Variants in MAGI2 observed in about 807,000 individuals in gnomAD.
MAGI2 encodes membrane associated guanylate kinase, WW and PDZ domain containing 2, also known as membrane-associated guanylate kinase, WW and PDZ domain-containing protein 2.
Under a neutral mutation model 133.3 loss-of-function variants are expected in MAGI2, and 35 were observed. The ratio of observed to expected loss-of-function variants is 0.26; its 90% CI spans 0.20 to 0.35. The LOEUF (loss-of-function observed/expected upper bound fraction) is 0.35. Among genes scored for constraint, MAGI2 ranks in the 10% least tolerant of loss-of-function variants. The probability of loss-of-function intolerance (pLI) is 1.00; values close to 1 mark genes in which losing one functional copy is unlikely to be tolerated. For missense variants in MAGI2, 1,636 were observed against 1,863.4 expected, an observed-to-expected ratio of 0.88 and a Z score of 2.25; for synonymous variants, 729 against 710.6, an observed-to-expected ratio of 1.03 and a Z score of -0.41.
intron 2 of MAGI2, among the ~76,000 whole-genome samples, chr7:78,662,558 T>C (rs555105927): frequency 6.6e-6 from 1 of 152,322 alleles, no homozygotes; most frequent in East Asian, 1.9e-4. Flanking sequence ...GAAAAGTGTG[T>C]ATTATCATCT....
chr7:79,014,918 T>C (rs1388359161), intron 1 of MAGI2, among the ~76,000 whole-genome samples: 3 of 152,178 alleles, frequency 2.0e-5, no homozygotes, highest in African/African-American at 7.2e-5. Flanking sequence ...ATGATAAAAA[T>C]ATCACAATTG....
At chr7:78,576,454 A>G (rs553313139) in intron 3 of MAGI2, among the ~76,000 whole-genome samples, 2 of 152,270 alleles carry the variant, frequency 1.3e-5, no homozygotes, top group South Asian at 4.1e-4. Context: ...TTTCTCCCAC[A>G]AGGCATGTCA....
At chr7:78,177,679 G>T (rs1346137557) in intron 14 of MAGI2, among the ~76,000 whole-genome samples, 1 of 152,074 alleles carries the variant, frequency 6.6e-6, no homozygotes. Flanking sequence ...TCCCAGGTGG[G>T]TGTTACCTCT....
intron 1 of MAGI2, among the ~76,000 whole-genome samples, chr7:79,139,482 A>C (rs1821916664): frequency 6.6e-6 from 1 of 152,212 alleles, no homozygotes; most frequent in Non-Finnish European, 1.5e-5. Context: ...CTACGACTCA[A>C]GCCAATGTCT....
chr7:79,342,162 G>A (rs1179119846), intron 1 of MAGI2, among the ~76,000 whole-genome samples: 1 of 152,196 alleles, frequency 6.6e-6, no homozygotes, highest in Non-Finnish European at 1.5e-5. Flanking sequence ...ATACATTTAA[G>A]AGTGTTGTAA....
chr7:79,058,933 G>T (rs1463978703), intron 1 of MAGI2, among the ~76,000 whole-genome samples: 2 of 151,954 alleles, frequency 1.3e-5, no homozygotes, highest in Non-Finnish European at 2.9e-5. Flanking sequence ...ACTTTTCAGG[G>T]TTGTTGAGAA....
chr7:78,402,808 C>A (rs1340321006), intron 6 of MAGI2, among the ~76,000 whole-genome samples: 1 of 152,022 alleles, frequency 6.6e-6, no homozygotes, highest in Non-Finnish European at 1.5e-5. Context: ...AATTTATTCT[C>A]CATATACTTG....
chr7:79,047,147 T>C (rs1288333802), intron 1 of MAGI2, among the ~76,000 whole-genome samples: 1 of 152,126 alleles, frequency 6.6e-6, no homozygotes, highest in Non-Finnish European at 1.5e-5. Context: ...GATATCAGTT[T>C]TTGTTATGAC....
chr7:78,551,443 G>T (rs1376454615), intron 3 of MAGI2, among the ~76,000 whole-genome samples: 1 of 152,122 alleles, frequency 6.6e-6, no homozygotes, highest in Non-Finnish European at 1.5e-5. Context: ...CAGATGTCTT[G>T]CTTTTGCACT....
chr7:78,160,726 C>T (rs895924162), intron 15 of MAGI2, among the ~76,000 whole-genome samples: 9 of 152,184 alleles, frequency 5.9e-5, no homozygotes, highest in Admixed American at 1.3e-4. Flanking sequence ...AGAATGTTTT[C>T]TCAGTAGGTC....
intron 9 of MAGI2, among the ~76,000 whole-genome samples, chr7:78,264,935 C>T (rs1346918110): frequency 1.3e-5 from 2 of 152,112 alleles, no homozygotes; most frequent in Non-Finnish European, 2.9e-5. Context: ...CAAAAGTAGC[C>T]AGTGACTCCA....
chr7:78,999,489 G>T (rs935148654), intron 2 of MAGI2, among the ~76,000 whole-genome samples: 4 of 151,998 alleles, frequency 2.6e-5, no homozygotes, highest in Admixed American at 1.3e-4. Context: ...TCTGTGACCA[G>T]GAAAGATACA....
intron 6 of MAGI2, among the ~76,000 whole-genome samples, chr7:78,436,676 C>T (rs1422173308): frequency 6.6e-6 from 1 of 152,178 alleles, no homozygotes; most frequent in African/African-American, 2.4e-5. Flanking sequence ...GCACAGGTTG[C>T]TGATTATAAT....
chr7:78,429,381 G>A (rs1385897485), intron 6 of MAGI2, among the ~76,000 whole-genome samples: 1 of 148,076 alleles, frequency 6.8e-6, no homozygotes, highest in Non-Finnish European at 1.5e-5. Context: ...GTCAGAGGTA[G>A]GCTGAGGAGG....
intron 6 of MAGI2, among the ~76,000 whole-genome samples, chr7:78,442,707 C>T (rs910045526): frequency 1.4e-4 from 22 of 152,102 alleles, no homozygotes; most frequent in South Asian, 8.3e-4. Context: ...ATTATTGATA[C>T]GCTTTGTGCT....
intron 2 of MAGI2, among the ~76,000 whole-genome samples, chr7:78,737,741 G>GT (rs113797531): frequency 3.3e-5 from 5 of 151,918 alleles, no homozygotes; most frequent in Admixed American, 1.3e-4. Flanking sequence ...CATAAAAATT[G>GT]TTTTTTTATG....
intron 6 of MAGI2, among the ~76,000 whole-genome samples, chr7:78,474,885 ATACTC>A (rs1382191059): frequency 1.3e-5 from 2 of 151,826 alleles, no homozygotes; most frequent in African/African-American, 4.8e-5. Flanking sequence ...TCAAAGGAGA[ATACTC>A]TAATGTTTTT....
At chr7:78,849,166 G>A (rs1448165842) in intron 2 of MAGI2, among the ~76,000 whole-genome samples, 4 of 151,922 alleles carry the variant, frequency 2.6e-5, no homozygotes, top group Admixed American at 2.6e-4. Flanking sequence ...ATCTGAATAC[G>A]CAAATATTGA....
chr7:78,096,145 A>G (rs551722438), intron 20 of MAGI2, among the ~76,000 whole-genome samples: 125 of 152,356 alleles, frequency 8.2e-4, no homozygotes, highest in African/African-American at 2.9e-3. Context: ...TTTATACAGG[A>G]TAACTCACAT....
Sources: allele counts gnomAD v4.1 joint callset (sites outside exome capture counted in the v4.1 genomes callset), GRCh38; gene constraint gnomAD v4.1.1; transcripts MANE v1.5; gene names NCBI Gene and HGNC (gene_info 2026-07-23, HGNC 2026-07-21).